The following USPL1 variants were observed in gnomAD, a reference collection of about 807,000 sequenced individuals.
The protein encoded by USPL1 is SUMO-specific isopeptidase USPL1.
Under a neutral mutation model 51.5 loss-of-function variants are expected in USPL1, and 27 were observed. The ratio of observed to expected loss-of-function variants is 0.52; its 90% confidence interval spans 0.39 to 0.72. The LOEUF is 0.72. USPL1 is among the 30% of genes least tolerant of loss of function. The pLI is 0.00. For synonymous variants in USPL1, 451 were observed against 459.6 expected, an observed-to-expected ratio of 0.98 and a Z score of 0.24; for missense variants, 1,226 against 1,268.0, an observed-to-expected ratio of 0.97 and a Z score of 0.50.
intron 3 of USPL1, among the ~76,000 whole-genome samples, chr13:30,623,955 A>C (rs1950677542): frequency 6.6e-6 from 1 of 152,172 alleles, no homozygotes; most frequent in Admixed American, 6.5e-5. Flanking sequence ...ATAAACCAAT[A>C]AACATAAGTA....
At chr13:30,655,920 A>G (rs1270973405) in intron 8 of USPL1, among the ~76,000 whole-genome samples, 1 of 152,228 alleles carries the variant, frequency 6.6e-6, no homozygotes, top group African/African-American at 2.4e-5. Context: ...CTGTGCCGCA[A>G]TTACCATGAC....
chr13:30,654,122 A>T (rs1951128112), intron 8 of USPL1, among the ~76,000 whole-genome samples: 1 of 152,174 alleles, frequency 6.6e-6, no homozygotes, highest in African/African-American at 2.4e-5. Flanking sequence ...AAAACAACTT[A>T]TTTTAACTTT....
At chr13:30,627,424 A>G (rs752025117) in intron 3 of USPL1, among the ~76,000 whole-genome samples, 3 of 152,130 alleles carry the variant, frequency 2.0e-5, no homozygotes, top group Non-Finnish European at 2.9e-5. Context: ...AGCACAGATT[A>G]TATAGAGAAA....
chr13:30,629,023 G>A (rs1452769549), intron 3 of USPL1, among the ~76,000 whole-genome samples: 1 of 152,154 alleles, frequency 6.6e-6, no homozygotes. Flanking sequence ...GTTAGTTGAT[G>A]GTGACTGCAG....
chr13:30,633,354 AG>A (rs2137643664), intron 4 of USPL1, among the ~76,000 whole-genome samples: 1 of 152,338 alleles, frequency 6.6e-6, no homozygotes, highest in East Asian at 1.9e-4. Context: ...CCAAGGTTTT[AG>A]GCATCCACTG....
chr13:30,643,599 C>T (rs1950977098), intron 6 of USPL1, among the ~76,000 whole-genome samples: 6 of 81,864 alleles, frequency 7.3e-5, no homozygotes, highest in Non-Finnish European at 1.0e-4. Context: ...TAACTCTTTC[C>T]ACCCCCCCCC....
In USPL1 at chr13:30,658,995, C is replaced by T. The variant is rs201983841; in HGVS notation, c.2918C>T (p.Ala973Val). ...YSSQTHEEIL[A>V]ELLSPTPVST... ...AGTCAAACTCATGAAGAAATTTTAG[C>T]GGAATTATTGTCTCCTACACCTGTT... Residue 973 changes from alanine to valine, a missense_variant, in exon 9 of 9, where the codon GCG (alanine) becomes GTG (valine). Coordinates refer to ENST00000255304, the MANE Select transcript of USPL1 (RefSeq NM_005800.5). 54 of 1,613,974 alleles carry T rather than the reference C, an allele frequency of 3.3e-5. No individual in the cohort carries two copies. The highest frequency in any genetic ancestry group is 4.4e-5 in the Non-Finnish European group (52 of 1,180,028).
chr13:30,631,670 T>C (rs531562165), intron 4 of USPL1, among the ~76,000 whole-genome samples, 196 bp downstream of exon 4: 7 of 152,234 alleles, frequency 4.6e-5, no homozygotes, highest in African/African-American at 1.7e-4. Flanking sequence ...CCAGCTAAGA[T>C]AGTGAGATGG....
intron 4 of USPL1, among the ~76,000 whole-genome samples, chr13:30,636,302 A>G (rs554728700): frequency 6.6e-6 from 1 of 152,022 alleles, no homozygotes; most frequent in African/African-American, 2.4e-5. Flanking sequence ...TGTAGTTTTT[A>G]TAATCTGGTT....
chr13:30,644,613 G>C (rs1049742136), intron 6 of USPL1, among the ~76,000 whole-genome samples: 8 of 152,182 alleles, frequency 5.3e-5, no homozygotes, highest in African/African-American at 1.9e-4. Context: ...ACAGATGAAT[G>C]TGTGGAATGG....
At chr13:30,629,766 G>GTGCTTATCAGGCCTCTA (rs1301929807) in intron 3 of USPL1, among the ~76,000 whole-genome samples, 8 of 152,164 alleles carry the variant, frequency 5.3e-5, no homozygotes. Context: ...TCTTGAGCCA[G>GTGCTTATCAGGCCTCTA]TGCTTATCAG....
rs1196248726 is a variant in USPL1 at position 30,653,175 on chromosome 13, T to C, written c.1266T>C (p.Phe422=). ...TATCTCCCATATTCATGTTGCACTT[T>C]GTAGAAGGCTTACCACAGAATGACT... is the stretch of plus-strand genomic sequence containing the variant. ...EKVSPIFMLH[F]VEGLPQNDLQ... The change falls in exon 8 of 9, where the codon TTT becomes TTC. Residue 422 remains phenylalanine, a synonymous_variant. Coordinates refer to ENST00000255304, the MANE Select transcript of USPL1 (RefSeq NM_005800.5). 6 of 1,606,996 alleles carry C rather than the reference T, an allele frequency of 3.7e-6. No individual in the cohort carries two copies. The highest frequency in any genetic ancestry group is 4.3e-6 in the Non-Finnish European group (5 of 1,175,952).
intron 3 of USPL1, among the ~76,000 whole-genome samples, chr13:30,622,479 A>G (rs1950658522): frequency 6.6e-6 from 1 of 152,200 alleles, no homozygotes; most frequent in Admixed American, 6.5e-5. Flanking sequence ...ACTGTCTCAT[A>G]CACTTTTAAT....
At chr13:30,652,860 G>T (rs1951107853) in intron 7 of USPL1, among the ~76,000 whole-genome samples, 2 of 152,184 alleles carry the variant, frequency 1.3e-5, no homozygotes, top group Non-Finnish European at 2.9e-5. Flanking sequence ...AGACAAAGCT[G>T]CATTGCTGCT....
At chr13:30,618,833 C>T (rs1950607688) in intron 1 of USPL1, among the ~76,000 whole-genome samples, 1 of 152,074 alleles carries the variant, frequency 6.6e-6, no homozygotes, top group Admixed American at 6.5e-5. Context: ...CATAATACTA[C>T]CTTTAGGTTA....
At position 30,660,291 on chromosome 13, in the gene USPL1, A is replaced by G. The variant is rs1951241737; in HGVS notation, c.*935A>G. The G allele has an allele frequency of 1.3e-5, 2 of 152,212 alleles. No homozygotes were observed. The highest frequency in any genetic ancestry group is 2.9e-5 in the Non-Finnish European group (2 of 68,076). 9.4% of individuals were successfully genotyped at this position (152,212 alleles called of 1,614,324 possible). On this transcript the variant is annotated 3_prime_UTR_variant, in exon 9 of 9. Coordinates refer to ENST00000255304, the MANE Select transcript of USPL1 (RefSeq NM_005800.5). ...CTCAGCCTTCAGGCCCTCCCTGTTC[A>G]TGGCTTCCAGGCTTACCCCCCTGCT...
intron 8 of USPL1, among the ~76,000 whole-genome samples, chr13:30,655,851 T>G (rs1274376328): frequency 6.6e-6 from 1 of 152,258 alleles, no homozygotes; most frequent in Non-Finnish European, 1.5e-5. Context: ...GTGTTTGACA[T>G]CGTGATTTAT....
At chr13:30,648,866 G>A (rs763065963) in intron 7 of USPL1, among the ~76,000 whole-genome samples, 2 of 152,152 alleles carry the variant, frequency 1.3e-5, no homozygotes, top group Non-Finnish European at 2.9e-5. Context: ...ATGATGAGGT[G>A]AGGAGAAGAG....
At position 30,660,447 on chromosome 13, in the gene USPL1, A is replaced by G. The variant is rs1221329870; in HGVS notation, c.*1091A>G. On this transcript the variant is annotated 3_prime_UTR_variant, in exon 9 of 9. Coordinates refer to ENST00000255304, the MANE Select transcript of USPL1 (RefSeq NM_005800.5). ...TGCACCCGCACCCAGGAGGGTGGAG[A>G]TCTTGCCTGCTCCAAGGCTGCAGCC... 2 of 152,260 alleles carry G rather than the reference A, an allele frequency of 1.3e-5. No individual in the cohort carries two copies. The highest frequency in any genetic ancestry group is 4.8e-5 in the African/African-American group (2 of 41,464). The allele number at this position is 152,260 out of a possible 1,614,324, so 9.4% of individuals were successfully genotyped here. A position where few individuals can be genotyped will look rare whatever the true frequency, so the allele number is the denominator to read the frequency against.
Sources: gnomAD v4.1 joint callset for allele counts (sites outside exome capture counted in the v4.1 genomes callset) on GRCh38, gnomAD v4.1.1 for gene constraint, MANE v1.5 for transcripts, NCBI Gene and HGNC (gene_info 2026-07-23, HGNC 2026-07-21) for gene names.